The following CNTNAP2 variants were observed in gnomAD, a reference collection of about 807,000 sequenced individuals.
CNTNAP2 encodes the protein contactin-associated protein-like 2.
A neutral mutation model predicts 155.2 loss-of-function variants in CNTNAP2; 98 were observed. The observed-to-expected ratio is 0.63, with a 90% CI of 0.54 to 0.75. The LOEUF (loss-of-function observed/expected upper bound fraction) is 0.75. Ranked by LOEUF, CNTNAP2 falls within the 30% of genes least tolerant of loss-of-function variation. CNTNAP2 has a pLI of 0.00. For synonymous variants in CNTNAP2, 651 were observed against 631.2 expected (o/e 1.03, Z -0.47); for missense variants, 1,727 against 1,688.1 (o/e 1.02, Z -0.40).
At chr7:146,890,064 C>T (rs902338928) in intron 3 of CNTNAP2, among the ~76,000 whole-genome samples, 2 of 152,108 alleles carry the variant, frequency 1.3e-5, no homozygotes, top group Admixed American at 6.6e-5. Flanking sequence ...GACAGAGATC[C>T]AAGCTCCACA....
chr7:147,354,115 G>T (rs1285927283), intron 9 of CNTNAP2, among the ~76,000 whole-genome samples: 1 of 151,828 alleles, frequency 6.6e-6, no homozygotes, highest in Non-Finnish European at 1.5e-5. Context: ...AGTTTCTTTT[G>T]CTGTGCAGAA....
intron 12 of CNTNAP2, among the ~76,000 whole-genome samples, chr7:147,627,652 ATTGCAC>A (rs1795007452): frequency 7.1e-6 from 1 of 141,112 alleles, no homozygotes. Context: ...AGATTGTGCC[ATTGCAC>A]TCCAGCCTGG....
At position 146,679,347 on chromosome 7, in the gene CNTNAP2, C is replaced by CTTTTTTTTT. The variant is rs34541415; in HGVS notation, c.98-94912_98-94904dup. Among the ~76,000 whole-genome samples, 272 of 106,656 alleles carry CTTTTTTTTT rather than the reference C, an allele frequency of 2.6e-3. 2 individuals are homozygous for CTTTTTTTTT. The highest frequency in any genetic ancestry group is 3.6e-3 in the Non-Finnish European group (207 of 57,528). The allele number at this position is 106,656 out of a possible 152,430, so 70.0% of individuals were successfully genotyped here. ...CCATGCAAAGGACATGATCTTGTTT[C>CTTTTTTTTT]TTTTTTTTTTTTTTTTTTTTGGAGA... On this transcript the variant is annotated intron_variant, in intron 1 of 23. Transcript: ENST00000361727.
chr7:146,887,104 AT>A (rs922757354), intron 3 of CNTNAP2, among the ~76,000 whole-genome samples: 2 of 151,296 alleles, frequency 1.3e-5, no homozygotes, highest in African/African-American at 4.9e-5. Context: ...AAAAATCTTC[AT>A]TTTTTTCTAT....
At chr7:147,419,345 C>T (rs1375844274) in intron 10 of CNTNAP2, among the ~76,000 whole-genome samples, 1 of 152,084 alleles carries the variant, frequency 6.6e-6, no homozygotes, top group Non-Finnish European at 1.5e-5. Context: ...AGCCTCCTGG[C>T]AGCATTTTTA....
intron 13 of CNTNAP2, among the ~76,000 whole-genome samples, chr7:147,775,310 AAT>A (rs1162945690): frequency 0.024 from 1,152 of 47,460 alleles, 122 homozygotes; most frequent in South Asian, 0.061. Context: ...TATATTTATA[AAT>A]ATATATATAT....
chr7:146,602,895 G>T (rs1270460011), intron 1 of CNTNAP2, among the ~76,000 whole-genome samples: 1 of 143,754 alleles, frequency 7.0e-6, no homozygotes, highest in Non-Finnish European at 1.5e-5. Flanking sequence ...TATCTTGGAG[G>T]TCTCTTAGGA....
chr7:146,755,325 G>A (rs1291132699), intron 1 of CNTNAP2, among the ~76,000 whole-genome samples: 1 of 152,014 alleles, frequency 6.6e-6, no homozygotes, highest in Non-Finnish European at 1.5e-5. Context: ...ACTCAAAAGT[G>A]TATGTGTGAA....
intron 1 of CNTNAP2, among the ~76,000 whole-genome samples, chr7:146,136,599 G>A (rs57919954): frequency 0.019 from 2,869 of 152,124 alleles, 77 homozygotes; most frequent in African/African-American, 0.06. Context: ...GTGCTCTCTC[G>A]AGGTTGGATT....
chr7:146,212,116 A>T (rs907751627), intron 1 of CNTNAP2, among the ~76,000 whole-genome samples: 1 of 152,334 alleles, frequency 6.6e-6, no homozygotes, highest in African/African-American at 2.4e-5. Context: ...CAGGATATAT[A>T]GTTTAATATA....
chr7:146,121,658 C>A (rs1195853596), intron 1 of CNTNAP2, among the ~76,000 whole-genome samples: 2 of 152,098 alleles, frequency 1.3e-5, no homozygotes, highest in Non-Finnish European at 2.9e-5. Flanking sequence ...AGCCTCAAAA[C>A]CAGTGTTGTG....
intron 4 of CNTNAP2, among the ~76,000 whole-genome samples, chr7:147,078,737 TTTAA>T (rs1455237508): frequency 2.0e-5 from 3 of 149,692 alleles, no homozygotes; most frequent in Non-Finnish European, 4.4e-5. Context: ...ATTTTTCTTC[TTTAA>T]TTGTCTCATT....
At chr7:147,668,404 A>G (rs2116962368) in intron 13 of CNTNAP2, among the ~76,000 whole-genome samples, 1 of 152,312 alleles carries the variant, frequency 6.6e-6, no homozygotes, top group South Asian at 2.1e-4. Flanking sequence ...CTTTAAAAAG[A>G]GCCTTAAGCA....
intron 2 of CNTNAP2, among the ~76,000 whole-genome samples, chr7:146,811,843 A>C (rs145413182): frequency 4.6e-5 from 7 of 152,118 alleles, no homozygotes; most frequent in Non-Finnish European, 8.8e-5. Context: ...TGATGGTTTT[A>C]CAAGAGGCTT....
chr7:146,334,336 C>A (rs1293832448), intron 1 of CNTNAP2, among the ~76,000 whole-genome samples: 1 of 150,426 alleles, frequency 6.6e-6, no homozygotes, highest in Non-Finnish European at 1.5e-5. Context: ...GAGGCTGAGG[C>A]AGGAGAATGG....
chr7:147,019,883 T>C (rs976298997), intron 3 of CNTNAP2, among the ~76,000 whole-genome samples: 7 of 152,000 alleles, frequency 4.6e-5, no homozygotes, highest in African/African-American at 1.7e-4. Context: ...CAATGATACA[T>C]AGAATTTAGC....
chr7:148,172,500 G>A (rs368410979), intron 18 of CNTNAP2, 22 bp downstream of exon 18: 87 of 1,604,196 alleles, frequency 5.4e-5, no homozygotes, highest in Admixed American at 8.3e-5. Flanking sequence ...CCCATTTCCA[G>A]AGCCACTTTT....
At chr7:147,300,008 T>A in intron 8 of CNTNAP2, 133 bp from the exon 9 acceptor site, 1 of 923,576 alleles carries the variant, frequency 1.1e-6, no homozygotes, top group East Asian at 2.6e-5. Flanking sequence ...GACGTCAGTT[T>A]GAATTGTAAG....
chr7:147,704,890 T>A (rs1485946282), intron 13 of CNTNAP2, among the ~76,000 whole-genome samples: 2 of 152,136 alleles, frequency 1.3e-5, no homozygotes, highest in African/African-American at 2.4e-5. Flanking sequence ...TTTAATTATG[T>A]TTTTATTTTT....
Sources: allele counts gnomAD v4.1 joint callset (sites outside exome capture counted in the v4.1 genomes callset), GRCh38; gene constraint gnomAD v4.1.1; transcripts MANE v1.5; gene names NCBI Gene and HGNC (gene_info 2026-07-23, HGNC 2026-07-21).